PSMB7: variants seen among roughly 807,000 people sequenced by gnomAD.
PSMB7 encodes the protein proteasome 20S subunit beta 7.
PSMB7 carries 5 observed loss-of-function variants against 28.1 expected under a neutral mutation model. The observed-to-expected ratio is 0.18, with a 90% CI of 0.09 to 0.37. The LOEUF (loss-of-function observed/expected upper bound fraction) is 0.37. PSMB7 is among the 10% of genes least tolerant of loss of function. PSMB7 has a pLI of 1.00. For missense variants in PSMB7, 275 were observed against 346.2 expected, an observed-to-expected ratio of 0.79 and a Z score of 1.63; for synonymous variants, 122 against 123.7, an observed-to-expected ratio of 0.99 and a Z score of 0.09.
At chr9:124,365,313 C>T (rs76506138) in intron 6 of PSMB7, among the ~76,000 whole-genome samples, 4,348 of 152,228 alleles carry the variant, frequency 0.029, 76 homozygotes, top group East Asian at 0.094. Flanking sequence ...CAGATGGACA[C>T]GGGTCTCGTG....
chr9:124,377,855 C>G (rs1201719345), intron 6 of PSMB7, among the ~76,000 whole-genome samples: 5 of 152,130 alleles, frequency 3.3e-5, no homozygotes, highest in African/African-American at 1.2e-4. Context: ...AGAGAAAGGA[C>G]CATCACAGTT....
At chr9:124,361,287 G>A (rs755218595) in intron 6 of PSMB7, among the ~76,000 whole-genome samples, 5 of 152,140 alleles carry the variant, frequency 3.3e-5, no homozygotes, top group African/African-American at 7.2e-5. Context: ...CTCCATCACC[G>A]CATCGCACAA....
chr9:124,393,100 T>C (rs1459802542), intron 5 of PSMB7, among the ~76,000 whole-genome samples: 2 of 152,166 alleles, frequency 1.3e-5, no homozygotes, highest in East Asian at 3.8e-4. Context: ...CTCCTAGTAC[T>C]GGTGCTTGCT....
chr9:124,360,572 G>T (rs145297225), intron 6 of PSMB7, among the ~76,000 whole-genome samples: 7 of 152,382 alleles, frequency 4.6e-5, no homozygotes, highest in Non-Finnish European at 7.3e-5. Context: ...CGATGGGCGA[G>T]TAGGCCTTAC....
chr9:124,405,269 C>T (rs185514981), intron 5 of PSMB7, 48 bp downstream of exon 5: 114 of 1,292,618 alleles, frequency 8.8e-5, no homozygotes, highest in Non-Finnish European at 1.1e-4. Flanking sequence ...AAGAGACCAT[C>T]GTGGTAAGTA....
chr9:124,410,819 C>G lies in PSMB7; in HGVS notation c.395+1533G>C, dbSNP rs865797192. ...ACATAGATGAGGACCCGCAAATTAT[C>G]AGGAAGGCCAGGGCCCTGAAGGGAA... On this transcript the variant is annotated intron_variant, in intron 4 of 7. Coordinates refer to ENST00000259457, the MANE Select transcript of PSMB7 (RefSeq NM_002799.4). Among the ~76,000 whole-genome samples, 3 of 152,290 alleles carry G rather than the reference C, an allele frequency of 2.0e-5. No homozygotes were observed. The Middle Eastern group carries it at 0.01, about 518-fold the overall frequency.
At chr9:124,405,121 T>A (rs892487906) in intron 5 of PSMB7, among the ~76,000 whole-genome samples, 196 bp downstream of exon 5, 3 of 152,138 alleles carry the variant, frequency 2.0e-5, no homozygotes, top group African/African-American at 7.2e-5. Context: ...GGAATCACTA[T>A]CAGAATTGTG....
rs577618676 is a variant in PSMB7, at chr9:124,384,706, T to C, written c.512-50A>G. 1.0e-4 allele frequency: 161 copies of C among 1,582,442 alleles called. 1 individual carries two copies. In the Middle Eastern group the frequency reaches 1.3e-3, roughly 13 times the overall value. On this transcript the variant is annotated intron_variant, in intron 5 of 7. Coordinates refer to ENST00000259457, the MANE Select transcript of PSMB7 (RefSeq NM_002799.4). ...GTGTATTTTATGATATCCCAGCTTA[T>C]CCATCTCAAGTTTACCTAGGGGCAA... is the stretch of plus-strand genomic sequence containing the variant.
chr9:124,362,873 G>GA (rs1830476254), intron 6 of PSMB7, among the ~76,000 whole-genome samples: 1 of 152,160 alleles, frequency 6.6e-6, no homozygotes, highest in Admixed American at 6.5e-5. Context: ...TTTTTAAAAA[G>GA]AAGGCAATCC....
rs1052403033 is a variant in PSMB7, at chr9:124,414,998, A to G, written c.63-63T>C. The G allele has an allele frequency of 5.3e-6, 6 of 1,125,998 alleles. No homozygotes were observed. The African/African-American group carries it at 7.8e-5, about 15-fold the overall frequency. The allele number at this position is 1,125,998 out of a possible 1,614,324, so 69.8% of individuals were successfully genotyped here. A position where few individuals can be genotyped will look rare whatever the true frequency, so the allele number is the denominator to read the frequency against. ...GACCACATCGCACAGCACTGGCATG[A>G]AAAGTGCCTAACAGAGAACTCAGGA... is the stretch of plus-strand genomic sequence containing the variant. On this transcript the variant is annotated intron_variant, in intron 1 of 7. Coordinates refer to ENST00000259457, the MANE Select transcript of PSMB7 (RefSeq NM_002799.4).
chr9:124,379,319 C>A (rs1279218699), intron 6 of PSMB7, among the ~76,000 whole-genome samples: 1 of 152,130 alleles, frequency 6.6e-6, no homozygotes, highest in Non-Finnish European at 1.5e-5. Context: ...TTTTATCCAC[C>A]CATTCAACAC....
chr9:124,361,288 C>T (rs1278271718), intron 6 of PSMB7, among the ~76,000 whole-genome samples: 1 of 152,216 alleles, frequency 6.6e-6, no homozygotes, highest in Non-Finnish European at 1.5e-5. Context: ...TCCATCACCG[C>T]ATCGCACAAT....
intron 6 of PSMB7, among the ~76,000 whole-genome samples, chr9:124,376,785 C>T (rs1283773260): frequency 2.6e-5 from 4 of 152,214 alleles, no homozygotes; most frequent in Non-Finnish European, 5.9e-5. Context: ...AGGGCTCTAA[C>T]GTCAGGCTGA....
At chr9:124,366,681 T>A (rs984254411) in intron 6 of PSMB7, among the ~76,000 whole-genome samples, 1 of 152,226 alleles carries the variant, frequency 6.6e-6, no homozygotes, top group Non-Finnish European at 1.5e-5. Flanking sequence ...CAGAGCAATT[T>A]CTAGTTTTGC....
intron 5 of PSMB7, among the ~76,000 whole-genome samples, chr9:124,388,440 C>G (rs1441844288): frequency 6.6e-6 from 1 of 152,238 alleles, no homozygotes; most frequent in African/African-American, 2.4e-5. Flanking sequence ...AAGAGAAGAA[C>G]AAGGGCCTTC....
intron 6 of PSMB7, among the ~76,000 whole-genome samples, chr9:124,360,187 A>G (rs1830452801): frequency 1.3e-5 from 2 of 152,260 alleles, no homozygotes; most frequent in South Asian, 4.1e-4. Context: ...TTTGTCTTTA[A>G]CATGTGCTAC....
At chr9:124,402,163 G>C (rs1206951308) in intron 5 of PSMB7, among the ~76,000 whole-genome samples, 4 of 152,194 alleles carry the variant, frequency 2.6e-5, no homozygotes, top group Non-Finnish European at 5.9e-5. Flanking sequence ...TCTGTGTGGA[G>C]TCAGTGGTTT....
intron 6 of PSMB7, among the ~76,000 whole-genome samples, chr9:124,367,969 A>G (rs1432355219): frequency 6.6e-6 from 1 of 152,240 alleles, no homozygotes. Context: ...AAGCAAATCA[A>G]TTATGACAGC....
intron 5 of PSMB7, among the ~76,000 whole-genome samples, chr9:124,393,302 CGAGG>C (rs1830809187): frequency 6.6e-6 from 1 of 152,124 alleles, no homozygotes; most frequent in Non-Finnish European, 1.5e-5. Context: ...AGCTTCCCGG[CGAGG>C]CAAGCCAAGC....
Sources: gnomAD v4.1 joint callset for allele counts (sites outside exome capture counted in the v4.1 genomes callset) on GRCh38, gnomAD v4.1.1 for gene constraint, MANE v1.5 for transcripts, NCBI Gene and HGNC (gene_info 2026-07-23, HGNC 2026-07-21) for gene names.